The following TRDN variants were observed in gnomAD, a reference collection of about 807,000 sequenced individuals.
TRDN encodes triadin.
TRDN carries 161 observed loss-of-function variants against 149.7 expected under a neutral mutation model. The ratio of observed to expected loss-of-function variants is 1.08; its 90% CI spans 0.95 to 1.23. The LOEUF (loss-of-function observed/expected upper bound fraction) is 1.23, where lower values mean the gene tolerates loss of function less well. TRDN is among the 50% of genes most tolerant of loss of function. The pLI, the probability that TRDN is intolerant of heterozygous loss-of-function variation, is 0.00. For synonymous variants in TRDN, 294 were observed against 250.5 expected, an observed-to-expected ratio of 1.17 and a Z score of -1.64; for missense variants, 896 against 823.5, an observed-to-expected ratio of 1.09 and a Z score of -1.08.
chr6:123,486,981 T>C (rs1232409509), intron 9 of TRDN, among the ~76,000 whole-genome samples: 3 of 152,062 alleles, frequency 2.0e-5, no homozygotes, highest in Non-Finnish European at 4.4e-5. Context: ...ATCAGATGGC[T>C]ACTATGGGCA....
In TRDN at chr6:123,600,934, T is replaced by A. The variant is rs140599014; in HGVS notation, c.23-29802A>T. Among the ~76,000 whole-genome samples the A allele has an allele frequency of 7.8e-4, 118 of 152,194 alleles. 1 individual carries two copies. The Middle Eastern group carries it at 0.01, about 13-fold the overall frequency. ...GCAAATTGTTTTAAAAACAAAAAAA[T>A]TATTATTTATATGTACTTATCAGTT... On this transcript the variant is annotated intron_variant, in intron 1 of 40. Transcript: ENST00000334268.
chr6:123,344,059 C>T (rs1780162730), intron 21 of TRDN, among the ~76,000 whole-genome samples: 1 of 152,054 alleles, frequency 6.6e-6, no homozygotes. Flanking sequence ...AGGGCTGTCA[C>T]AGCACATCAC....
At chr6:123,451,834 T>C (rs1474457522) in intron 10 of TRDN, among the ~76,000 whole-genome samples, 1 of 152,112 alleles carries the variant, frequency 6.6e-6, no homozygotes, top group Non-Finnish European at 1.5e-5. Flanking sequence ...TGAACATAAA[T>C]GTTAAAATCC....
chr6:123,547,475 T>A, intron 3 of TRDN, 103 bp from the exon 4 acceptor site: 1 of 685,326 alleles, frequency 1.5e-6, no homozygotes, highest in Non-Finnish European at 2.2e-6. Flanking sequence ...AATCTATTAG[T>A]TTTAACAATC....
chr6:123,260,682 A>G lies in TRDN; in HGVS notation c.1805-44T>C, dbSNP rs1776735901. On this transcript the variant is annotated intron_variant, in intron 33 of 40. Coordinates refer to ENST00000334268, the MANE Select transcript of TRDN (RefSeq NM_006073.4). ...AAAGAATGTAGAAAGAAAGGAAAAA[A>G]AATAAAAAGAAAAAGTATAGTTTTT... 6.5e-6 allele frequency: 9 copies of G among 1,384,068 alleles called. No homozygotes were observed. In the African/African-American group the frequency reaches 8.9e-5, roughly 14 times the overall value. The allele number at this position is 1,384,068 out of a possible 1,614,324, so 85.7% of individuals were successfully genotyped here. A position where few individuals can be genotyped will look rare whatever the true frequency, so the allele number is the denominator to read the frequency against.
chr6:123,611,045 G>A (rs944678629), intron 1 of TRDN, among the ~76,000 whole-genome samples: 5 of 152,022 alleles, frequency 3.3e-5, no homozygotes, highest in Non-Finnish European at 7.4e-5. Flanking sequence ...AATAACACAA[G>A]GGCCCAATAA....
In TRDN at chr6:123,433,162, A is replaced by ATATATATATATATATAT. The variant is rs796874348; in HGVS notation, c.1051+4900_1051+4901insATATATATATATATATA. On this transcript the variant is annotated intron_variant, in intron 12 of 40. Coordinates refer to ENST00000334268, the MANE Select transcript of TRDN (RefSeq NM_006073.4). The stretch of plus-strand genomic sequence containing the variant: ...ATCATAAATATATATATATATATAT[A>ATATATATATATATATAT]ATATATATATATATATATATACATC... Among the ~76,000 whole-genome samples the ATATATATATATATATAT allele has an allele frequency of 7.2e-4, 58 of 80,004 alleles. 2 individuals carry two copies. The highest frequency in any genetic ancestry group is 1.1e-3 in the Admixed American group (8 of 7,394). 52.5% of individuals were successfully genotyped at this position (80,004 alleles called of 152,430 possible).
chr6:123,278,987 T>G, intron 25 of TRDN, 69 bp downstream of exon 25: 1 of 1,385,174 alleles, frequency 7.2e-7, no homozygotes. Context: ...ACAGCATGCA[T>G]TTAAGATTTG....
intron 5 of TRDN, among the ~76,000 whole-genome samples, chr6:123,521,867 A>G (rs1220588418): frequency 6.6e-6 from 1 of 152,146 alleles, no homozygotes; most frequent in Non-Finnish European, 1.5e-5. Context: ...ATCTCTGTGA[A>G]GTACTTACTA....
intron 20 of TRDN, among the ~76,000 whole-genome samples, chr6:123,360,291 T>C (rs1321255666): frequency 6.6e-6 from 1 of 152,076 alleles, no homozygotes; most frequent in Non-Finnish European, 1.5e-5. Context: ...TGAGAGCAGA[T>C]ATATCTCAAA....
chr6:123,432,291 A>G (rs1255335734), intron 12 of TRDN, among the ~76,000 whole-genome samples: 1 of 152,168 alleles, frequency 6.6e-6, no homozygotes, highest in Non-Finnish European at 1.5e-5. Context: ...TTGGAGTTTT[A>G]GTTTTATCAC....
At chr6:123,453,583 G>A (rs1321403688) in intron 10 of TRDN, among the ~76,000 whole-genome samples, 2 of 148,170 alleles carry the variant, frequency 1.3e-5, no homozygotes, top group Non-Finnish European at 3.0e-5. Flanking sequence ...TGCAAGAATG[G>A]CCATAATAAA....
At chr6:123,315,129 T>C (rs897318843) in intron 24 of TRDN, among the ~76,000 whole-genome samples, 11 of 152,012 alleles carry the variant, frequency 7.2e-5, no homozygotes, top group Non-Finnish European at 1.5e-4. Context: ...AATACAATGT[T>C]ATGCAAAGAG....
At chr6:123,431,730 A>C (rs7754031) in intron 12 of TRDN, among the ~76,000 whole-genome samples, 22,706 of 152,188 alleles carry the variant, frequency 0.15, 2,376 homozygotes, top group African/African-American at 0.3. Context: ...ATAAATATTT[A>C]AAATAGGTTT....
intron 40 of TRDN, among the ~76,000 whole-genome samples, chr6:123,219,056 T>C (rs189865944): frequency 3.3e-5 from 5 of 152,034 alleles, no homozygotes; most frequent in Non-Finnish European, 7.4e-5. Context: ...GTTCTGATCA[T>C]ATAGACATCT....
chr6:123,555,673 A>C (rs1449022189), intron 2 of TRDN, among the ~76,000 whole-genome samples: 1 of 152,184 alleles, frequency 6.6e-6, no homozygotes, highest in Non-Finnish European at 1.5e-5. Flanking sequence ...TTCCAAAAAT[A>C]GATTTTCCAC....
intron 38 of TRDN, among the ~76,000 whole-genome samples, chr6:123,229,207 G>T (rs1775501713): frequency 6.6e-6 from 1 of 151,844 alleles, no homozygotes; most frequent in African/African-American, 2.4e-5. Context: ...GGGCCATCTT[G>T]TCTGTATGGC....
At chr6:123,549,245 T>C (rs557869855) in intron 2 of TRDN, among the ~76,000 whole-genome samples, 26 of 152,222 alleles carry the variant, frequency 1.7e-4, no homozygotes, top group African/African-American at 5.5e-4. Context: ...TCTTCCCTTT[T>C]CTATGTCCTA....
intron 19 of TRDN, among the ~76,000 whole-genome samples, chr6:123,369,275 C>T (rs1381450956): frequency 2.0e-5 from 3 of 152,120 alleles, no homozygotes; most frequent in Non-Finnish European, 4.4e-5. Context: ...ATTGAGGGCC[C>T]ACCCTAATCC....
Sources: gnomAD v4.1 joint callset for allele counts (sites outside exome capture counted in the v4.1 genomes callset) on GRCh38, gnomAD v4.1.1 for gene constraint, MANE v1.5 for transcripts, NCBI Gene and HGNC (gene_info 2026-07-23, HGNC 2026-07-21) for gene names.